The following GLB1L3 variants were observed in gnomAD, a reference collection of about 807,000 sequenced individuals.
GLB1L3 encodes the protein beta-galactosidase-1-like protein 3.
In GLB1L3, 89 loss-of-function variants were observed where a neutral mutation model predicts 89.5. The ratio of observed to expected loss-of-function variants is 0.99; its 90% CI spans 0.84 to 1.19. The LOEUF (loss-of-function observed/expected upper bound fraction) is 1.19. Ranked by LOEUF, GLB1L3 falls within the 50% of genes most tolerant of loss-of-function variation. GLB1L3 has a pLI of 0.00. For synonymous variants in GLB1L3, 314 were observed against 312.3 expected, an observed-to-expected ratio of 1.01 and a Z score of -0.06; for missense variants, 812 against 813.3, an observed-to-expected ratio of 1.00 and a Z score of 0.02.
chr11:134,321,964 AATACAG>A (rs1183150046), downstream of GLB1L3, among the ~76,000 whole-genome samples: 4 of 152,244 alleles, frequency 2.6e-5, no homozygotes, highest in African/African-American at 9.6e-5. Context: ...CAGTAGAATA[AATACAG>A]ATATATCAGC....
chr11:134,310,594 G>A lies in GLB1L3; in HGVS notation c.1123G>A (p.Ala375Thr). The A allele has an allele frequency of 6.2e-7, 1 of 1,613,306 alleles. No individual in the cohort carries two copies. The highest frequency in any genetic ancestry group is 8.5e-7 in the Non-Finnish European group (1 of 1,179,598). ...SYDYDAVLTE[A>T]GDYTEKYLKL... ...AGACTATGATGCAGTGCTCACGGAGGCTGGAGATTACACAGAAAAATATCT... is the reference window on the plus strand; with the variant it reads ...AGACTATGATGCAGTGCTCACGGAGACTGGAGATTACACAGAAAAATATCT... Residue 375 changes from alanine (A) to threonine (T), a missense_variant, in exon 12 of 20, where the codon GCT becomes ACT. Physicochemically the swap from Ala to Thr is moderately conservative, Grantham distance 58. Transcript: ENST00000431683.
intron 9 of GLB1L3, chr11:134,305,315 A>T: frequency 1.9e-6 from 1 of 516,616 alleles, no homozygotes; most frequent in Non-Finnish European, 3.5e-6. Flanking sequence ...TGCACTATAG[A>T]GTATGCTTCT....
chr11:134,285,471 T>G (rs1207963967), intron 6 of GLB1L3, among the ~76,000 whole-genome samples: 1 of 152,162 alleles, frequency 6.6e-6, no homozygotes, highest in African/African-American at 2.4e-5. Flanking sequence ...CGTCTCTTGA[T>G]GCAGCTCGAG....
intron 7 of GLB1L3, among the ~76,000 whole-genome samples, chr11:134,290,139 G>T (rs1016706951): frequency 6.6e-6 from 1 of 152,228 alleles, no homozygotes; most frequent in Non-Finnish European, 1.5e-5. Flanking sequence ...TTTTCCCAGG[G>T]GACGCGTGGC....
At chr11:134,284,023 G>C (rs1940851011) in intron 6 of GLB1L3, among the ~76,000 whole-genome samples, 178 bp downstream of exon 6, 1 of 152,178 alleles carries the variant, frequency 6.6e-6, no homozygotes, top group Admixed American at 6.5e-5. Context: ...TCCTGTCCTT[G>C]TTGTCCGGGT....
At chr11:134,287,235 G>T (rs1941065714) in intron 6 of GLB1L3, 1 of 152,240 alleles carries the variant, frequency 6.6e-6, no homozygotes, top group Admixed American at 6.5e-5. Flanking sequence ...CCGTTCACAG[G>T]CACATGTATG....
At chr11:134,308,589 TCAC>T (rs1387621214) in intron 10 of GLB1L3, among the ~76,000 whole-genome samples, 3 of 110,940 alleles carry the variant, frequency 2.7e-5, no homozygotes, top group Non-Finnish European at 5.6e-5. Flanking sequence ...ATCACCATCA[TCAC>T]CATCACCTCC....
chr11:134,308,535 C>T (rs553820201), intron 10 of GLB1L3, among the ~76,000 whole-genome samples: 20 of 71,592 alleles, frequency 2.8e-4, no homozygotes, highest in Non-Finnish European at 4.5e-4. Flanking sequence ...ACCACCACTA[C>T]CACCACCATC....
chr11:134,300,962 T>C (rs1244588572), intron 9 of GLB1L3, among the ~76,000 whole-genome samples: 1 of 152,182 alleles, frequency 6.6e-6, no homozygotes, highest in East Asian at 1.9e-4. Context: ...TGCCCGGGAT[T>C]CTCCCGAATC....
At chr11:134,324,823 T>C in the GLB1L3 span, among the ~76,000 whole-genome samples, 1 of 152,100 alleles carries the variant, frequency 6.6e-6, no homozygotes, top group Non-Finnish European at 1.5e-5. Context: ...TAAATGGTAC[T>C]CATCAAGCAA....
intron 11 of GLB1L3, 170 bp from the exon 12 acceptor site, chr11:134,310,401 G>A (rs930203365): frequency 1.7e-6 from 1 of 593,560 alleles, no homozygotes; most frequent in Non-Finnish European, 3.0e-6. Flanking sequence ...AAGGTGCCCA[G>A]GAAGAGTTGT....
At chr11:134,295,230 A>G (rs867920818) in intron 9 of GLB1L3, among the ~76,000 whole-genome samples, 4 of 152,200 alleles carry the variant, frequency 2.6e-5, no homozygotes, top group Non-Finnish European at 5.9e-5. Flanking sequence ...CACTGAAACT[A>G]TCTGGACCTG....
intron 9 of GLB1L3, among the ~76,000 whole-genome samples, chr11:134,294,230 C>T (rs1292183402): frequency 2.0e-5 from 3 of 152,132 alleles, no homozygotes; most frequent in Non-Finnish European, 2.9e-5. Flanking sequence ...CCACACCCAG[C>T]TAATTTTTGT....
At chr11:134,305,747 A>G (rs1213732634) in intron 9 of GLB1L3, among the ~76,000 whole-genome samples, 2 of 152,212 alleles carry the variant, frequency 1.3e-5, no homozygotes, top group African/African-American at 4.8e-5. Flanking sequence ...GCTTATTAAT[A>G]TGCATAGAGA....
chr11:134,299,789 G>C (rs1941846696), intron 9 of GLB1L3, among the ~76,000 whole-genome samples: 1 of 152,104 alleles, frequency 6.6e-6, no homozygotes, highest in South Asian at 2.1e-4. Context: ...GGGTCTGAGG[G>C]GTGTGGCCTT....
chr11:134,287,932 G>C (rs1941114017), intron 6 of GLB1L3, among the ~76,000 whole-genome samples: 1 of 152,184 alleles, frequency 6.6e-6, no homozygotes, highest in African/African-American at 2.4e-5. Context: ...GCACTATAAA[G>C]CTGGCCATTT....
intron 17 of GLB1L3, 34 bp from the exon 18 acceptor site, chr11:134,314,296 C>T (rs1324733560): frequency 7.0e-7 from 1 of 1,432,488 alleles, no homozygotes; most frequent in Non-Finnish European, 9.5e-7. Context: ...GGGAAGGGGA[C>T]TTCTTCTCCC....
intron 7 of GLB1L3, chr11:134,289,138 C>A (rs1040885861): frequency 5.1e-6 from 2 of 388,400 alleles, no homozygotes; most frequent in East Asian, 4.6e-5. Flanking sequence ...AATAAACAGT[C>A]GATTAATGCA....
Position 134,310,618 on chromosome 11 carries a change from C to G in GLB1L3, c.1147C>G (p.Leu383Val), listed in dbSNP as rs1942680042. Residue 383 changes from leucine (L) to valine (V), a missense_variant, in exon 12 of 20, where the codon CTG becomes GTG. Leu to Val is a conservative substitution (Grantham distance 32). This residue lies in a region of GLB1L3 where 618 missense variants were observed against 604.0 expected (regional missense o/e 1.02). Transcript: ENST00000431683. ...TEAGDYTEKY[L>V]KLQKLFQSVS... is the part of the protein sequence containing the mutation. ...GGCTGGAGATTACACAGAAAAATAT[C>G]TGAAGCTTCAAAAACTCTTTCAATC... 5 of 1,613,560 alleles carry G rather than the reference C, an allele frequency of 3.1e-6. No individual in the cohort carries two copies. The highest frequency in any genetic ancestry group is 4.2e-6 in the Non-Finnish European group (5 of 1,179,650).
Sources: gnomAD v4.1 joint callset for allele counts (sites outside exome capture counted in the v4.1 genomes callset) on GRCh38, gnomAD v4.1.1 for gene constraint, gnomAD v4.1.1 regional missense constraint, MANE v1.5 for transcripts, NCBI Gene and HGNC (gene_info 2026-07-23, HGNC 2026-07-21) for gene names.